The following ACTR3 variants were observed in gnomAD, a reference collection of about 807,000 sequenced individuals.
ACTR3 encodes actin related protein 3.
A neutral mutation model predicts 56.8 loss-of-function variants in ACTR3; 12 were observed. That is an observed-to-expected ratio of 0.21 (90% CI 0.14 to 0.34). ACTR3 has a LOEUF of 0.34. Ranked by LOEUF, ACTR3 falls within the 10% of genes least tolerant of loss-of-function variation. ACTR3 has a pLI of 1.00. For missense variants in ACTR3, 282 were observed against 512.5 expected, an observed-to-expected ratio of 0.55 and a Z score of 4.34; for synonymous variants, 162 against 167.4, an observed-to-expected ratio of 0.97 and a Z score of 0.25.
intron 6 of ACTR3, among the ~76,000 whole-genome samples, chr2:113,938,575 A>C (rs1195940504): frequency 1.3e-5 from 2 of 152,158 alleles, no homozygotes; most frequent in Non-Finnish European, 2.9e-5. Context: ...TGAGGACTCT[A>C]CTTCATGTCT....
intron 8 of ACTR3, among the ~76,000 whole-genome samples, chr2:113,944,584 T>TAAA (rs34378884): frequency 0.038 from 2,225 of 57,970 alleles, 141 homozygotes; most frequent in Non-Finnish European, 0.055. Flanking sequence ...CCGTCTCTAC[T>TAAA]AAAAAAAAAA....
intron 1 of ACTR3, among the ~76,000 whole-genome samples, chr2:113,892,702 T>C (rs1447393192): frequency 6.6e-6 from 1 of 152,250 alleles, no homozygotes; most frequent in Non-Finnish European, 1.5e-5. Context: ...ATTTTTTTTA[T>C]GCTTTAGAGA....
At chr2:113,950,894 G>A (rs1423932718) in intron 8 of ACTR3, 1 of 152,724 alleles carries the variant, frequency 6.5e-6, no homozygotes, top group Non-Finnish European at 1.5e-5. Context: ...ATGGCAGAAG[G>A]CAAGGAGGAG....
intron 10 of ACTR3, chr2:113,954,580 CA>C (rs1680176128): frequency 1.4e-5 from 2 of 147,108 alleles, no homozygotes; most frequent in Admixed American, 6.7e-5. Flanking sequence ...TTTAATCCCA[CA>C]TTTTTTTTTT....
chr2:113,907,908 A>G (rs921465827), intron 1 of ACTR3, among the ~76,000 whole-genome samples: 7 of 133,744 alleles, frequency 5.2e-5, no homozygotes, highest in Admixed American at 5.2e-4. Context: ...GGAGGTGCAG[A>G]GGTTGTGGTG....
At position 113,907,975 on chromosome 2, in the gene ACTR3, C is replaced by CAA. The variant is rs1458810094; in HGVS notation, c.45-5197_45-5196insAA. On this transcript the variant is annotated intron_variant, in intron 1 of 11. Transcript: ENST00000263238. ...GGCAACAAGAGCAAAACTCTGTCCC[C>CAA]CAAAAAAAAAAAAAAAAAAAAAAAA... is the stretch of plus-strand genomic sequence containing the variant. Among the ~76,000 whole-genome samples, 61 of 122,232 alleles carry CAA rather than the reference C, an allele frequency of 5.0e-4. 3 individuals carry two copies. The East Asian group carries it at 8.9e-3, about 18-fold the overall frequency. 80.2% of individuals were successfully genotyped at this position (122,232 alleles called of 152,430 possible).
At chr2:113,939,449 G>A (rs1009940585) in intron 6 of ACTR3, among the ~76,000 whole-genome samples, 1 of 152,068 alleles carries the variant, frequency 6.6e-6, no homozygotes, top group Non-Finnish European at 1.5e-5. Flanking sequence ...ATTTAATTTT[G>A]CCACACTATT....
chr2:113,918,386 C>CT (rs59646022), intron 3 of ACTR3, among the ~76,000 whole-genome samples: 15,543 of 137,610 alleles, frequency 0.11, 884 homozygotes, highest in African/African-American at 0.13. Flanking sequence ...TCTTTTCTTT[C>CT]TTTTTTTTTT....
rs1415367350 is a variant in ACTR3 at position 113,916,891 on chromosome 2, T to C, written c.108T>C (p.Ala36=). The change falls in exon 3 of 12, where the codon GCT becomes GCC. Residue 36 remains alanine, a synonymous_variant. Coordinates refer to ENST00000263238, the MANE Select transcript of ACTR3 (RefSeq NM_005721.5). ...GTCTAACTTATTTTAAAGGTATTGCTATTAAGGAGTCAGCAAAAGTGGGTG... is the reference window on the plus strand; with the variant it reads ...GTCTAACTTATTTTAAAGGTATTGCCATTAAGGAGTCAGCAAAAGTGGGTG... The part of the protein sequence containing the change: ...EPQFIIPSCI[A]IKESAKVGDQ... 1.9e-6 allele frequency: 3 copies of C among 1,607,190 alleles called. No homozygotes were observed. The African/African-American group carries it at 4.0e-5, about 22-fold the overall frequency.
intron 3 of ACTR3, 141 bp downstream of exon 3, chr2:113,917,149 A>C (rs759314742): frequency 1.5e-6 from 1 of 652,412 alleles, no homozygotes; most frequent in Non-Finnish European, 2.2e-6. Context: ...TCCCTATGGC[A>C]TCCTTCCCTG....
chr2:113,957,093 T>C (rs922019931), intron 11 of ACTR3, among the ~76,000 whole-genome samples: 18 of 152,212 alleles, frequency 1.2e-4, no homozygotes, highest in Non-Finnish European at 1.2e-4. Context: ...CTTCCATTTT[T>C]CAAAATTTCA....
At position 113,891,147 on chromosome 2, in the gene ACTR3, T is replaced by G. The variant is rs1040617814; in HGVS notation, c.44+824T>G. ...CTTACTAGAACTTTTAAGCAGGTTTTAAAGAGACTGAATTACCGGTGCTTG... is the reference window on the plus strand; with the variant it reads ...CTTACTAGAACTTTTAAGCAGGTTTGAAAGAGACTGAATTACCGGTGCTTG... On this transcript the variant is annotated intron_variant, in intron 1 of 11. Coordinates refer to ENST00000263238, the MANE Select transcript of ACTR3 (RefSeq NM_005721.5). Among the ~76,000 whole-genome samples the G allele has an allele frequency of 2.0e-5, 3 of 152,306 alleles. No individual in the cohort carries two copies. In the East Asian group the frequency reaches 5.8e-4, roughly 29 times the overall value.
intron 6 of ACTR3, among the ~76,000 whole-genome samples, chr2:113,938,323 TA>T (rs112787771): frequency 0.015 from 2,232 of 152,306 alleles, 40 homozygotes; most frequent in African/African-American, 0.05. Context: ...TTCTCCTCGT[TA>T]AGTGTTGTGT....
intron 1 of ACTR3, among the ~76,000 whole-genome samples, chr2:113,908,718 A>G (rs1277311841): frequency 1.3e-5 from 2 of 151,924 alleles, no homozygotes; most frequent in Admixed American, 6.5e-5. Context: ...TTAATTTTTA[A>G]AGTTTGCTAG....
At chr2:113,944,584 TAAAAAAAA>T (rs34378884) in intron 8 of ACTR3, among the ~76,000 whole-genome samples, 643 of 58,030 alleles carry the variant, frequency 0.011, 14 homozygotes, top group African/African-American at 0.044. Flanking sequence ...CCGTCTCTAC[TAAAAAAAA>T]AAAAAAAAAA....
intron 8 of ACTR3, 119 bp downstream of exon 8, chr2:113,942,478 GA>G (rs150336703): frequency 0.011 from 7,381 of 680,282 alleles, 221 homozygotes; most frequent in African/African-American, 0.076. Context: ...GAGTTTTTAT[GA>G]AAAGTTTATA....
At chr2:113,913,885 C>T (rs1210085815) in intron 2 of ACTR3, among the ~76,000 whole-genome samples, 2 of 152,158 alleles carry the variant, frequency 1.3e-5, no homozygotes, top group Non-Finnish European at 1.5e-5. Flanking sequence ...CCTTGATTAA[C>T]GTACTTTTAC....
intron 3 of ACTR3, among the ~76,000 whole-genome samples, chr2:113,920,099 T>G (rs1285196797): frequency 6.6e-6 from 1 of 152,154 alleles, no homozygotes; most frequent in East Asian, 1.9e-4. Flanking sequence ...AATTTTTGTG[T>G]TTTTAGTAGA....
intron 10 of ACTR3, 34 bp downstream of exon 10, chr2:113,951,879 G>A (rs1680126897): frequency 6.2e-7 from 1 of 1,609,306 alleles, no homozygotes; most frequent in Non-Finnish European, 8.5e-7. Flanking sequence ...AGAAGGTTGA[G>A]GGTGCCTTCC....
Sources: allele counts gnomAD v4.1 joint callset (sites outside exome capture counted in the v4.1 genomes callset), GRCh38; gene constraint gnomAD v4.1.1; transcripts MANE v1.5; gene names NCBI Gene and HGNC (gene_info 2026-07-23, HGNC 2026-07-21).